The following SNTG2 variants were observed in gnomAD, a reference collection of about 807,000 sequenced individuals.
SNTG2 encodes gamma-2-syntrophin.
Under a neutral mutation model 70.9 loss-of-function variants are expected in SNTG2, and 74 were observed. The observed-to-expected ratio is 1.04, with a 90% CI of 0.86 to 1.27. The LOEUF (loss-of-function observed/expected upper bound fraction) is 1.27. Ranked by LOEUF, SNTG2 falls within the 50% of genes most tolerant of loss-of-function variation. The pLI is 0.00. For missense variants in SNTG2, 717 were observed against 690.7 expected (o/e 1.04, Z -0.43); for synonymous variants, 278 against 273.8 (o/e 1.02, Z -0.15).
At chr2:1,232,763 GTT>G (rs1676343472) in intron 9 of SNTG2, among the ~76,000 whole-genome samples, 1 of 152,166 alleles carries the variant, frequency 6.6e-6, no homozygotes, top group Non-Finnish European at 1.5e-5. Context: ...TACAGAGACA[GTT>G]TTAAAATAAA....
intron 6 of SNTG2, chr2:1,163,697 G>A (rs1206413002): frequency 1.3e-5 from 2 of 152,364 alleles, no homozygotes; most frequent in African/African-American, 4.8e-5. Context: ...TGTGTTTCCA[G>A]TCTGGAGTTT....
chr2:982,206 G>C (rs1420050212), intron 1 of SNTG2, among the ~76,000 whole-genome samples: 4 of 151,898 alleles, frequency 2.6e-5, no homozygotes, highest in African/African-American at 9.7e-5. Flanking sequence ...TGCTCTCCTT[G>C]TTTTCTTGAG....
intron 1 of SNTG2, among the ~76,000 whole-genome samples, chr2:1,042,347 A>G (rs546034722): frequency 1.3e-5 from 2 of 152,050 alleles, no homozygotes; most frequent in South Asian, 2.1e-4. Context: ...TTTAACTAGT[A>G]TTTCTTTAAT....
At chr2:1,162,350 C>T (rs570808650) in intron 6 of SNTG2, among the ~76,000 whole-genome samples, 44 of 152,214 alleles carry the variant, frequency 2.9e-4, no homozygotes, top group East Asian at 1.4e-3. Flanking sequence ...ACTGGCTGGG[C>T]GACAGACTCA....
At chr2:1,016,918 A>G (rs765217360) in intron 1 of SNTG2, among the ~76,000 whole-genome samples, 83 of 152,294 alleles carry the variant, frequency 5.4e-4, no homozygotes, top group Middle Eastern at 6.8e-3. Context: ...GTCTCTTATC[A>G]GGAGAAAATT....
Position 1,134,822 on chromosome 2 carries a change from G to C in SNTG2, c.326-2800G>C, listed in dbSNP as rs568364074. 3.1e-3 allele frequency among the ~76,000 whole-genome samples: 472 copies of C among 152,272 alleles called. 5 individuals carry two copies. Among genetic ancestry groups the C allele is most frequent in the African/African-American group, 0.011 (457 of 41,560 alleles). On this transcript the variant is annotated intron_variant, in intron 4 of 16. Coordinates refer to ENST00000308624, the MANE Select transcript of SNTG2 (RefSeq NM_018968.4). ...CCAGCCGCACAGGAGCCCACAGAGT[G>C]GGGGAGGCTCAGGCATGGCGGGCTG...
intron 6 of SNTG2, among the ~76,000 whole-genome samples, chr2:1,156,808 G>A (rs972896881): frequency 7.9e-5 from 12 of 152,154 alleles, no homozygotes; most frequent in South Asian, 4.2e-4. Context: ...GGAAATGAAC[G>A]GGCCTGCGGT....
rs187647193 is a variant in SNTG2 at position 1,234,052 on chromosome 2, C to T, written c.720-3836C>T. 2.6e-3 allele frequency among the ~76,000 whole-genome samples: 391 copies of T among 152,242 alleles called. 2 individuals carry two copies. The highest frequency in any genetic ancestry group is 2.9e-3 in the Non-Finnish European group (198 of 68,022). ...TTTTAGCTCCGATAATGACCTTGGC[C>T]ACGTGAACACCATCCTAAAAGGCCT... On this transcript the variant is annotated intron_variant, in intron 9 of 16. Coordinates refer to ENST00000308624, the MANE Select transcript of SNTG2 (RefSeq NM_018968.4).
At position 1,041,801 on chromosome 2, in the gene SNTG2, G is replaced by C. The variant is rs771110699; in HGVS notation, c.73-41717G>C. ...TTTCCTCATAAACTACCCAGTCTCA[G>C]GTATTTCTTTATAGCAAGGCAAGAA... On this transcript the variant is annotated intron_variant, in intron 1 of 16. Coordinates refer to ENST00000308624, the MANE Select transcript of SNTG2 (RefSeq NM_018968.4). Among the ~76,000 whole-genome samples the C allele has an allele frequency of 5.1e-4, 77 of 152,288 alleles. 2 individuals carry two copies. Among genetic ancestry groups the C allele is most frequent in the Non-Finnish European group, 3.4e-4 (23 of 68,028 alleles).
intron 1 of SNTG2, among the ~76,000 whole-genome samples, chr2:1,014,947 G>C (rs1421330212): frequency 6.6e-6 from 1 of 152,158 alleles, no homozygotes; most frequent in Non-Finnish European, 1.5e-5. Context: ...GCAGCCTTGA[G>C]GGGTGGAGGG....
intron 1 of SNTG2, among the ~76,000 whole-genome samples, chr2:967,721 C>A (rs6548286): frequency 0.34 from 52,106 of 151,978 alleles, 9,679 homozygotes; most frequent in Middle Eastern, 0.47. Context: ...CTGGCCTGTC[C>A]ATACGAATTA....
At chr2:980,316 C>T (rs1003775248) in intron 1 of SNTG2, among the ~76,000 whole-genome samples, 7 of 152,004 alleles carry the variant, frequency 4.6e-5, no homozygotes, top group African/African-American at 1.7e-4. Context: ...CTAGTAAACA[C>T]GAGAAAGAAT....
intron 14 of SNTG2, among the ~76,000 whole-genome samples, chr2:1,282,833 G>T (rs895779207): frequency 1.3e-5 from 2 of 151,720 alleles, no homozygotes; most frequent in African/African-American, 4.8e-5. Flanking sequence ...TAAGTAGAGC[G>T]CTGGCATTTC....
intron 16 of SNTG2, among the ~76,000 whole-genome samples, chr2:1,326,955 C>G (rs1450125187): frequency 1.3e-5 from 2 of 151,960 alleles, no homozygotes; most frequent in Non-Finnish European, 2.9e-5. Context: ...AGCCACTTTC[C>G]TGTAATAAAA....
In SNTG2 at chr2:1,364,659, G is replaced by A. The variant is rs1161361332; in HGVS notation, c.1489-2684G>A. Among the ~76,000 whole-genome samples, 12 of 150,962 alleles carry A rather than the reference G, an allele frequency of 7.9e-5. No homozygotes were observed. In the East Asian group the frequency reaches 1.2e-3, roughly 15 times the overall value. ...TGTAGTCCCAGCTACTTGGGAGGCCGAGATGGGCGGATCACGAGGTCAGGA... is the reference window on the plus strand; with the variant it reads ...TGTAGTCCCAGCTACTTGGGAGGCCAAGATGGGCGGATCACGAGGTCAGGA... On this transcript the variant is annotated intron_variant, in intron 16 of 16. Transcript: ENST00000308624.
intron 8 of SNTG2, among the ~76,000 whole-genome samples, chr2:1,187,572 C>T (rs1157099750): frequency 6.6e-6 from 1 of 152,196 alleles, no homozygotes; most frequent in African/African-American, 2.4e-5. Context: ...TCTCTACACA[C>T]ACAAACACAC....
At chr2:1,050,885 C>T (rs908883745) in intron 1 of SNTG2, among the ~76,000 whole-genome samples, 11 of 152,148 alleles carry the variant, frequency 7.2e-5, no homozygotes, top group African/African-American at 2.7e-4. Flanking sequence ...AAATTTTGCA[C>T]ATCTTTCATT....
chr2:1,309,550 C>A (rs1175304362), intron 15 of SNTG2, among the ~76,000 whole-genome samples: 1 of 152,236 alleles, frequency 6.6e-6, no homozygotes, highest in Non-Finnish European at 1.5e-5. Flanking sequence ...ATCCAGGGCA[C>A]CTGCAGGGTG....
intron 1 of SNTG2, among the ~76,000 whole-genome samples, chr2:1,019,023 C>T (rs752977724): frequency 6.6e-6 from 1 of 152,186 alleles, no homozygotes; most frequent in Non-Finnish European, 1.5e-5. Context: ...GTGCTGACAG[C>T]GCTGCATGTT....
Sources: gnomAD v4.1 joint callset for allele counts (sites outside exome capture counted in the v4.1 genomes callset) on GRCh38, gnomAD v4.1.1 for gene constraint, MANE v1.5 for transcripts, NCBI Gene and HGNC (gene_info 2026-07-23, HGNC 2026-07-21) for gene names.